Variants in UNC45B observed in about 807,000 individuals in gnomAD.
The protein encoded by UNC45B is protein unc-45 homolog B.
UNC45B carries 78 observed loss-of-function variants against 98.7 expected under a neutral mutation model. That is an observed-to-expected ratio of 0.79 (90% CI 0.66 to 0.95). The LOEUF (loss-of-function observed/expected upper bound fraction) is 0.95. Among genes scored for constraint, UNC45B ranks in the 40% least tolerant of loss-of-function variants. UNC45B has a pLI of 0.00. For missense variants in UNC45B, 1,225 were observed against 1,184.9 expected, an observed-to-expected ratio of 1.03 and a Z score of -0.50; for synonymous variants, 462 against 480.4, an observed-to-expected ratio of 0.96 and a Z score of 0.50.
intron 18 of UNC45B, among the ~76,000 whole-genome samples, chr17:35,181,790 C>CAA (rs34090979): frequency 5.0e-4 from 58 of 115,778 alleles, no homozygotes; most frequent in East Asian, 1.5e-3. Context: ...GACTGCATCT[C>CAA]AAAAAAAAAA....
chr17:35,183,069 TC>T (rs2142607271), intron 18 of UNC45B, among the ~76,000 whole-genome samples: 2 of 151,720 alleles, frequency 1.3e-5, no homozygotes, highest in East Asian at 3.9e-4. Flanking sequence ...TGAAGGCCCA[TC>T]CATTATGGGA....
chr17:35,171,172 C>A, intron 12 of UNC45B, 150 bp from the exon 13 acceptor site: 1 of 937,822 alleles, frequency 1.1e-6, no homozygotes, highest in Non-Finnish European at 1.6e-6. Flanking sequence ...CCGTTCCTCT[C>A]CTGCGCTGCT....
rs41389545 is a variant in UNC45B at position 35,164,145 on chromosome 17, A to T, written c.1130A>T (p.Lys377Met). 1 of 1,612,868 alleles carries T rather than the reference A, an allele frequency of 6.2e-7. No individual in the cohort carries two copies. The highest frequency in any genetic ancestry group is 2.2e-5 in the East Asian group (1 of 44,730). ...GACCCGGAGCGCGATCACTTCCGCA[A>T]GATCTGTGAGGAATATATCACGTAA... is the stretch of plus-strand genomic sequence containing the variant. ...RCDPERDHFR[K>M]ICEEYITGKF... Residue 377 changes from lysine (K) to methionine (M), a missense_variant, in exon 9 of 20, where the codon AAG (lysine) becomes ATG (methionine). Physicochemically the swap from Lys to Met is moderately conservative, Grantham distance 95. Coordinates refer to ENST00000394570, the MANE Select transcript of UNC45B (RefSeq NM_001267052.2).
At chr17:35,155,130 G>A (rs1299290264) in intron 6 of UNC45B, among the ~76,000 whole-genome samples, 166 bp from the exon 7 acceptor site, 1 of 152,242 alleles carries the variant, frequency 6.6e-6, no homozygotes, top group African/African-American at 2.4e-5. Flanking sequence ...ATGGCTTGTT[G>A]TCAAGAGGTT....
At chr17:35,154,503 T>A in intron 5 of UNC45B, 71 bp from the exon 6 acceptor site, 2 of 1,452,648 alleles carry the variant, frequency 1.4e-6, no homozygotes, top group Non-Finnish European at 1.9e-6. Flanking sequence ...GCTCTTCTTG[T>A]ACTTGGCCCA....
At chr17:35,181,509 G>A (rs951609759) in intron 18 of UNC45B, among the ~76,000 whole-genome samples, 1 of 152,214 alleles carries the variant, frequency 6.6e-6, no homozygotes, top group Non-Finnish European at 1.5e-5. Flanking sequence ...GCCGATTAAA[G>A]GCCAGGTATG....
intron 13 of UNC45B, among the ~76,000 whole-genome samples, chr17:35,173,785 G>A (rs946295986): frequency 6.7e-6 from 1 of 149,290 alleles, no homozygotes; most frequent in East Asian, 2.0e-4. Context: ...AAGGTCCCAC[G>A]TTCACAGGTT....
rs2092170061 is a variant in UNC45B at position 35,169,858 on chromosome 17, G to A, written c.1474G>A (p.Ala492Thr). 4.3e-6 allele frequency: 7 copies of A among 1,614,176 alleles called. No homozygotes were observed. The East Asian group carries it at 1.6e-4, about 36-fold the overall frequency. Residue 492 changes from alanine to threonine, a missense_variant, in exon 11 of 20, where the codon GCA becomes ACA. Ala to Thr is a moderately conservative substitution (Grantham distance 58, BLOSUM62 0). Transcript: ENST00000394570. The stretch of plus-strand genomic sequence containing the variant: ...TCAGGGACTCTGTAAGCTCGGCTCT[G>A]CAGGTGGCACAGACTACGGTCTCAG... The part of the protein sequence containing the change: ...TLVGLCKLGS[A>T]GGTDYGLRQF...
intron 19 of UNC45B, among the ~76,000 whole-genome samples, chr17:35,184,350 G>T (rs1222309309): frequency 6.6e-6 from 1 of 152,192 alleles, no homozygotes; most frequent in Non-Finnish European, 1.5e-5. Flanking sequence ...TCTCAAAACT[G>T]TAATGTGTGT....
chr17:35,159,307 C>T (rs2092085296), intron 7 of UNC45B, 68 bp from the exon 8 acceptor site: 2 of 1,422,412 alleles, frequency 1.4e-6, no homozygotes, highest in Non-Finnish European at 1.9e-6. Flanking sequence ...GAAGCTGCTG[C>T]TCTTCTTGGT....
At chr17:35,148,514 A>T in intron 2 of UNC45B, 83 bp downstream of exon 2, 1 of 1,477,736 alleles carries the variant, frequency 6.8e-7, no homozygotes, top group Non-Finnish European at 9.1e-7. Flanking sequence ...CCTGATAGAA[A>T]TTGCCCTTCA....
chr17:35,186,797 T>G lies in UNC45B; in HGVS notation c.*238T>G. On this transcript the variant is annotated 3_prime_UTR_variant, in exon 20 of 20. Transcript: ENST00000394570. ...CCTTATATTTGTCATGTTTCAGAAA[T>G]TCCCAGAATAATTTTCACCCATGAT... The G allele has an allele frequency of 2.4e-6, 1 of 410,486 alleles. No individual in the cohort carries two copies. Among genetic ancestry groups the G allele is most frequent in the Non-Finnish European group, 4.3e-6 (1 of 231,324 alleles). 25.4% of individuals were successfully genotyped at this position (410,486 alleles called of 1,614,324 possible).
intron 7 of UNC45B, among the ~76,000 whole-genome samples, chr17:35,158,213 A>T (rs894135848): frequency 3.9e-5 from 6 of 152,194 alleles, no homozygotes; most frequent in African/African-American, 1.4e-4. Flanking sequence ...TACTATTATT[A>T]TAATGGTCAG....
intron 12 of UNC45B, 87 bp from the exon 13 acceptor site, chr17:35,171,235 C>T (rs778579433): frequency 1.5e-4 from 237 of 1,542,210 alleles, no homozygotes; most frequent in Middle Eastern, 3.4e-4. Flanking sequence ...ACCAACCTGC[C>T]GGCCACGTGA....
At chr17:35,166,499 T>C (rs2092142368) in intron 9 of UNC45B, among the ~76,000 whole-genome samples, 2 of 152,146 alleles carry the variant, frequency 1.3e-5, no homozygotes, top group South Asian at 4.1e-4. Flanking sequence ...GGCTTGTTGA[T>C]TGAGGCTCCC....
intron 7 of UNC45B, among the ~76,000 whole-genome samples, chr17:35,156,266 A>G (rs1313924994): frequency 6.6e-6 from 1 of 152,204 alleles, no homozygotes; most frequent in Non-Finnish European, 1.5e-5. Flanking sequence ...CATTCTGTGG[A>G]TAGATTGTGG....
At chr17:35,158,206 T>TATTATTATA (rs1470698416) in intron 7 of UNC45B, among the ~76,000 whole-genome samples, 3 of 152,374 alleles carry the variant, frequency 2.0e-5, no homozygotes, top group African/African-American at 7.2e-5. Context: ...TCTGACTTAC[T>TATTATTATA]ATTATTATAA....
At chr17:35,186,049 C>T (rs916470577) in intron 19 of UNC45B, among the ~76,000 whole-genome samples, 2 of 152,152 alleles carry the variant, frequency 1.3e-5, no homozygotes, top group Non-Finnish European at 2.9e-5. Flanking sequence ...AAGGATAAAA[C>T]ACAAGAGGTG....
chr17:35,147,922 C>A lies in UNC45B; in HGVS notation c.-1+12C>A. On this transcript the variant is annotated intron_variant, in intron 1 of 19. Coordinates refer to ENST00000394570, the MANE Select transcript of UNC45B (RefSeq NM_001267052.2). ...TCCTTGCTGAAAAAGTGAGCATGGG[C>A]CTGGGGTGTGCCCTGGACTGGGGAG... The A allele has an allele frequency of 3.7e-6, 1 of 267,220 alleles. No homozygotes were observed. The allele number at this position is 267,220 out of a possible 1,614,324, so 16.6% of individuals were successfully genotyped here.
Sources: allele counts gnomAD v4.1 joint callset (sites outside exome capture counted in the v4.1 genomes callset), GRCh38; gene constraint gnomAD v4.1.1; transcripts MANE v1.5; gene names NCBI Gene and HGNC (gene_info 2026-07-23, HGNC 2026-07-21).